The following AUTS2 variants were observed in gnomAD, a reference collection of about 807,000 sequenced individuals.
AUTS2 encodes the protein autism susceptibility gene 2 protein.
Under a neutral mutation model 112.4 loss-of-function variants are expected in AUTS2, and 17 were observed. The observed-to-expected ratio is 0.15, with a 90% CI of 0.10 to 0.23. AUTS2 has a LOEUF of 0.23. Among genes scored for constraint, AUTS2 ranks in the 10% least tolerant of loss-of-function variants. The probability of loss-of-function intolerance (pLI) is 1.00; values close to 1 mark genes in which losing one functional copy is unlikely to be tolerated. For synonymous variants in AUTS2, 751 were observed against 702.7 expected (o/e 1.07, Z -1.09); for missense variants, 1,510 against 1,701.6 (o/e 0.89, Z 1.98).
At chr7:70,222,600 GTT>G (rs557859190) in intron 4 of AUTS2, among the ~76,000 whole-genome samples, 1 of 144,400 alleles carries the variant, frequency 6.9e-6, no homozygotes. Context: ...AACTGGTAGA[GTT>G]TTTTTTTTTT....
intron 4 of AUTS2, among the ~76,000 whole-genome samples, chr7:70,434,467 T>C (rs967028787): frequency 3.3e-5 from 5 of 152,324 alleles, no homozygotes; most frequent in Admixed American, 2.6e-4. Context: ...TAAAAAACCT[T>C]GGCATCATCC....
intron 4 of AUTS2, among the ~76,000 whole-genome samples, chr7:70,169,524 A>G (rs948726787): frequency 6.6e-6 from 1 of 152,172 alleles, no homozygotes; most frequent in Non-Finnish European, 1.5e-5. Context: ...TACAGGCATG[A>G]GCCACCGCAT....
At chr7:70,404,279 G>A (rs73175903) in intron 4 of AUTS2, among the ~76,000 whole-genome samples, 9,653 of 152,086 alleles carry the variant, frequency 0.063, 350 homozygotes, top group African/African-American at 0.1. Flanking sequence ...ACAGTACACC[G>A]TCAATAGAGA....
At chr7:70,130,752 A>T (rs1806229295) in intron 3 of AUTS2, among the ~76,000 whole-genome samples, 1 of 152,054 alleles carries the variant, frequency 6.6e-6, no homozygotes, top group South Asian at 2.1e-4. Flanking sequence ...TGAGCCCAGA[A>T]ATTGCATATC....
chr7:70,279,489 T>A (rs1788101486), intron 4 of AUTS2, among the ~76,000 whole-genome samples: 1 of 152,232 alleles, frequency 6.6e-6, no homozygotes, highest in Non-Finnish European at 1.5e-5. Flanking sequence ...CAGATAGATG[T>A]TCGGCTCAAG....
rs59524958 is a variant in AUTS2 at position 70,534,396 on chromosome 7, ATTTGTTTGTTTGTTTG to A, written c.690+98647_690+98662del. Among the ~76,000 whole-genome samples, 1,377 of 148,028 alleles carry A rather than the reference ATTTGTTTGTTTGTTTG, an allele frequency of 9.3e-3. 15 individuals are homozygous for A. The highest frequency in any genetic ancestry group is 0.032 in the African/African-American group (1,268 of 40,046). On this transcript the variant is annotated intron_variant, in intron 5 of 18. Coordinates refer to ENST00000342771, the MANE Select transcript of AUTS2 (RefSeq NM_015570.4). Reference sequence around the variant, plus strand: ...TATCGGGGAGTTATTGGGAATATGAATTTGTTTGTTTGTTTGTTTGTTTGTTTGTTTGTTTGTTTGT... The same window carrying A: ...TATCGGGGAGTTATTGGGAATATGAATTTGTTTGTTTGTTTGTTTGTTTGT...
intron 1 of AUTS2, among the ~76,000 whole-genome samples, chr7:69,728,173 C>G (rs1023967889): frequency 2.0e-5 from 3 of 152,130 alleles, no homozygotes; most frequent in African/African-American, 4.8e-5. Context: ...AGAGAAGGAG[C>G]AGGAGTGAGA....
At chr7:70,436,022 T>G (rs925964092) in intron 5 of AUTS2, 4 of 400,832 alleles carry the variant, frequency 1.0e-5, no homozygotes, top group Middle Eastern at 6.3e-4. Flanking sequence ...ACACTGAGTT[T>G]TTACTTTATG....
At chr7:70,719,355 G>C (rs1810544758) in intron 6 of AUTS2, among the ~76,000 whole-genome samples, 2 of 152,118 alleles carry the variant, frequency 1.3e-5, no homozygotes, top group South Asian at 4.1e-4. Context: ...TGGTTGTCAA[G>C]GGCTCAATAA....
At chr7:69,844,813 C>T (rs1198525013) in intron 1 of AUTS2, among the ~76,000 whole-genome samples, 1 of 152,164 alleles carries the variant, frequency 6.6e-6, no homozygotes, top group Non-Finnish European at 1.5e-5. Flanking sequence ...CTCTACTCCC[C>T]TTCCATTTGA....
At chr7:70,042,038 G>GT (rs1433847448) in intron 2 of AUTS2, among the ~76,000 whole-genome samples, 1 of 152,070 alleles carries the variant, frequency 6.6e-6, no homozygotes, top group East Asian at 1.9e-4. Flanking sequence ...CTTGTAAGTT[G>GT]TTGGTGGAGT....
chr7:69,747,784 G>GT (rs1787560248), intron 1 of AUTS2, among the ~76,000 whole-genome samples: 2 of 144,502 alleles, frequency 1.4e-5, no homozygotes, highest in African/African-American at 5.2e-5. Context: ...GAAGGAGAGG[G>GT]GTGTGTGTGT....
At chr7:69,611,275 CCTAGGAGGATATGTGGTGT>C (rs1175741561) in intron 1 of AUTS2, among the ~76,000 whole-genome samples, 1 of 152,048 alleles carries the variant, frequency 6.6e-6, no homozygotes, top group African/African-American at 2.4e-5. Flanking sequence ...CAGATGTGAG[CCTAGGAGGATATGTGGTGT>C]CTTAGAGCCA....
intron 5 of AUTS2, among the ~76,000 whole-genome samples, chr7:70,632,996 G>A (rs1412887325): frequency 2.0e-5 from 3 of 149,642 alleles, no homozygotes; most frequent in Non-Finnish European, 3.0e-5. Context: ...ACCTTGGGGG[G>A]AAAAAAAAAA....
chr7:69,856,093 A>G (rs1054538529), intron 1 of AUTS2, among the ~76,000 whole-genome samples: 2 of 152,078 alleles, frequency 1.3e-5, no homozygotes, highest in African/African-American at 4.8e-5. Flanking sequence ...GCCATTCCTC[A>G]CTTTTTGGAT....
chr7:69,772,884 A>C (rs1788726509), intron 1 of AUTS2, among the ~76,000 whole-genome samples: 1 of 152,190 alleles, frequency 6.6e-6, no homozygotes. Context: ...GCCTAAGGCA[A>C]ATTCTTTTTG....
In AUTS2 at chr7:70,434,277, A is replaced by G. The variant is rs550818221; in HGVS notation, c.661-1475A>G. On this transcript the variant is annotated intron_variant, in intron 4 of 18. Transcript: ENST00000342771. Reference sequence around the variant, plus strand: ...CTTTTCCCATCTTTAGCCTCAAGAAAAATTGAGAAAGAAAATACCTGGCAT... The same window carrying G: ...CTTTTCCCATCTTTAGCCTCAAGAAGAATTGAGAAAGAAAATACCTGGCAT... Among the ~76,000 whole-genome samples, 22 of 152,322 alleles carry G rather than the reference A, an allele frequency of 1.4e-4. No individual in the cohort carries two copies. In the South Asian group the frequency reaches 4.6e-3, roughly 32 times the overall value.
rs151129302 is a variant in AUTS2 at position 69,753,967 on chromosome 7, T to G, written c.310-145319T>G. ...ACAGGTTGGTTTTCTGCTGTTCACATGTAGTCTAACAGTGGCCTGTTTTCC... is the reference window on the plus strand; with the variant it reads ...ACAGGTTGGTTTTCTGCTGTTCACAGGTAGTCTAACAGTGGCCTGTTTTCC... On this transcript the variant is annotated intron_variant, in intron 1 of 18. Coordinates refer to ENST00000342771, the MANE Select transcript of AUTS2 (RefSeq NM_015570.4). 1.9e-3 allele frequency among the ~76,000 whole-genome samples: 288 copies of G among 152,304 alleles called. 1 individual carries two copies. The highest frequency in any genetic ancestry group is 6.6e-3 in the African/African-American group (276 of 41,568).
chr7:69,894,148 G>A (rs950296234), intron 1 of AUTS2, among the ~76,000 whole-genome samples: 2 of 149,254 alleles, frequency 1.3e-5, no homozygotes, highest in Non-Finnish European at 3.0e-5. Context: ...CAGCCAATAT[G>A]TCTAAATCTT....
Sources: gnomAD v4.1 joint callset for allele counts (sites outside exome capture counted in the v4.1 genomes callset) on GRCh38, gnomAD v4.1.1 for gene constraint, MANE v1.5 for transcripts, NCBI Gene and HGNC (gene_info 2026-07-23, HGNC 2026-07-21) for gene names.